MYO10: variants seen among roughly 807,000 people sequenced by gnomAD.
MYO10 encodes the protein myosin X.
In MYO10, 133 loss-of-function variants were observed where a neutral mutation model predicts 257.3. The observed-to-expected ratio is 0.52, with a 90% confidence interval of 0.45 to 0.60. The LOEUF is 0.60. Ranked by LOEUF, MYO10 falls within the 20% of genes least tolerant of loss-of-function variation. The pLI is 0.00. For missense variants in MYO10, 2,399 were observed against 2,635.7 expected (o/e 0.91, Z 1.97); for synonymous variants, 1,104 against 1,028.6 (o/e 1.07, Z -1.40).
intron 19 of MYO10, among the ~76,000 whole-genome samples, chr5:16,726,964 A>G (rs1436957104): frequency 1.3e-5 from 2 of 152,234 alleles, no homozygotes; most frequent in Non-Finnish European, 2.9e-5. Flanking sequence ...TGCCAGTTAC[A>G]GAAGTTTACT....
At chr5:16,896,960 G>C (rs1745235826) in intron 1 of MYO10, among the ~76,000 whole-genome samples, 2 of 152,136 alleles carry the variant, frequency 1.3e-5, no homozygotes, top group African/African-American at 4.8e-5. Flanking sequence ...GGGAGAGAGA[G>C]AGAAGGAAAA....
At chr5:16,852,918 G>C (rs1334951830) in intron 2 of MYO10, among the ~76,000 whole-genome samples, 1 of 152,172 alleles carries the variant, frequency 6.6e-6, no homozygotes. Flanking sequence ...AGAAGGCACA[G>C]AGAAATTGAA....
Position 16,780,644 on chromosome 5 carries a change from G to T in MYO10, c.742-36C>A, listed in dbSNP as rs369377866. On this transcript the variant is annotated intron_variant, in intron 7 of 40. Coordinates refer to ENST00000513610, the MANE Select transcript of MYO10 (RefSeq NM_012334.3). ...AAATCAGATTTATATTCAGAGATGT[G>T]TCCTGTGCTTAATTCACACAAACCA... 2.0e-5 allele frequency: 31 copies of T among 1,549,430 alleles called. No individual in the cohort carries two copies. The Middle Eastern group carries it at 6.7e-4, about 33-fold the overall frequency.
intron 26 of MYO10, among the ~76,000 whole-genome samples, chr5:16,698,623 G>GTTTT (rs5866202): frequency 1.8e-5 from 2 of 113,856 alleles, no homozygotes; most frequent in Non-Finnish European, 1.7e-5. Context: ...AGAACATGCA[G>GTTTT]TTTTTTTTTT....
chr5:16,727,550 C>G (rs1739418787), intron 19 of MYO10, among the ~76,000 whole-genome samples: 1 of 152,182 alleles, frequency 6.6e-6, no homozygotes, highest in African/African-American at 2.4e-5. Context: ...GCTAATGACT[C>G]TGAACAAATA....
chr5:16,857,709 C>T (rs1056222839), intron 2 of MYO10, among the ~76,000 whole-genome samples: 5 of 152,216 alleles, frequency 3.3e-5, no homozygotes, highest in Admixed American at 6.5e-5. Context: ...TTGCCACGGG[C>T]TACTTTAACC....
intron 1 of MYO10, chr5:16,916,084 G>T (rs779355861): frequency 2.9e-5 from 13 of 456,018 alleles, no homozygotes; most frequent in Non-Finnish European, 8.8e-6. Context: ...CGAGTGTTAA[G>T]CCTCAGCCTT....
chr5:16,924,956 A>G (rs1359227813), intron 1 of MYO10, among the ~76,000 whole-genome samples: 4 of 149,268 alleles, frequency 2.7e-5, no homozygotes, highest in Non-Finnish European at 1.5e-5. Context: ...TCAGCCTCCC[A>G]AATAGCTGGG....
chr5:16,750,911 C>T (rs1215338229), intron 19 of MYO10, among the ~76,000 whole-genome samples: 2 of 152,148 alleles, frequency 1.3e-5, no homozygotes, highest in Non-Finnish European at 2.9e-5. Flanking sequence ...AGGAGAATCG[C>T]TTGAACTCGG....
Position 16,747,747 on chromosome 5 carries a change from G to A in MYO10, c.1929+7081C>T, listed in dbSNP as rs990679093. 4.6e-5 allele frequency among the ~76,000 whole-genome samples: 7 copies of A among 151,816 alleles called. 1 individual carries two copies. The highest frequency in any genetic ancestry group is 3.4e-3 in the Middle Eastern group (1 of 290). On this transcript the variant is annotated intron_variant, in intron 19 of 40. Transcript: ENST00000513610. Reference sequence around the variant, plus strand: ...GTCTGGCTAACACAGAGAAACCCCCGTCTCTACTAAAAATACAAAAAATTA... The same window carrying A: ...GTCTGGCTAACACAGAGAAACCCCCATCTCTACTAAAAATACAAAAAATTA...
At chr5:16,820,422 G>A (rs963633482) in intron 2 of MYO10, among the ~76,000 whole-genome samples, 5 of 152,074 alleles carry the variant, frequency 3.3e-5, no homozygotes, top group African/African-American at 1.2e-4. Flanking sequence ...GTCAACTCTC[G>A]GCCAACCAAG....
rs373617137 is a variant in MYO10, at chr5:16,818,082, G to T, written c.206C>A (p.Ala69Glu). 1.9e-6 allele frequency: 3 copies of T among 1,611,096 alleles called. No individual in the cohort carries two copies. Among genetic ancestry groups the T allele is most frequent in the African/African-American group, 1.3e-5 (1 of 74,866 alleles). Residue 69 changes from alanine (A) to glutamate (E), a missense_variant, in exon 3 of 41, where the codon GCG becomes GAG. Ala to Glu is a moderately radical substitution (Grantham distance 107, BLOSUM62 -1). Transcript: ENST00000513610. Reference sequence around the variant, plus strand: ...GCCGCCATGGAGCTCTGTCAAGGACGCCATGTCATCCACGCCCTCCTCGTT... The same window carrying T: ...GCCGCCATGGAGCTCTGTCAAGGACTCCATGTCATCCACGCCCTCCTCGTT... ...PTNEEGVDDMASLTELHGGSI... is the reference protein window; with the variant it reads ...PTNEEGVDDMESLTELHGGSI...
intron 1 of MYO10, among the ~76,000 whole-genome samples, chr5:16,917,396 T>G (rs1339175254): frequency 1.3e-5 from 2 of 152,176 alleles, no homozygotes; most frequent in South Asian, 4.1e-4. Flanking sequence ...TTGTGGGGGC[T>G]GCCCTCTGCA....
chr5:16,786,236 T>A (rs548912746), intron 4 of MYO10, among the ~76,000 whole-genome samples: 30 of 152,208 alleles, frequency 2.0e-4, no homozygotes, highest in African/African-American at 5.5e-4. Flanking sequence ...AATACAATTA[T>A]GGAGAAGATA....
chr5:16,845,740 T>G (rs113159404), intron 2 of MYO10, among the ~76,000 whole-genome samples: 1 of 151,616 alleles, frequency 6.6e-6, no homozygotes, highest in South Asian at 2.1e-4. Flanking sequence ...CCGAGGCGGG[T>G]GGATCACAAG....
intron 21 of MYO10, among the ~76,000 whole-genome samples, chr5:16,708,350 TA>T (rs1738440024): frequency 6.6e-6 from 1 of 152,204 alleles, no homozygotes; most frequent in Non-Finnish European, 1.5e-5. Flanking sequence ...TCCAACACAG[TA>T]AACTGAGGAC....
chr5:16,780,789 T>C (rs1470122689), intron 6 of MYO10, 48 bp from the exon 7 acceptor site: 1 of 1,529,124 alleles, frequency 6.5e-7, no homozygotes, highest in South Asian at 1.2e-5. Flanking sequence ...CAAAGCTATG[T>C]GCCATGCTCA....
rs1172106250 is a variant in MYO10 at position 16,665,094 on chromosome 5, T to G, written c.*1598A>C. The G allele has an allele frequency of 6.6e-6, 1 of 152,056 alleles. No homozygotes were observed. The highest frequency in any genetic ancestry group is 2.4e-5 in the African/African-American group (1 of 41,286). The allele number at this position is 152,056 out of a possible 1,614,324, so 9.4% of individuals were successfully genotyped here. A position where few individuals can be genotyped will look rare whatever the true frequency, so the allele number is the denominator to read the frequency against. ...GATGCATGCCTGTACTCCCAACTCC[T>G]TGGGAGGCTGAGGCAGGAGAATCGC... On this transcript the variant is annotated 3_prime_UTR_variant, in exon 41 of 41. Coordinates refer to ENST00000513610, the MANE Select transcript of MYO10 (RefSeq NM_012334.3).
chr5:16,697,472 A>C (rs31577), intron 26 of MYO10, among the ~76,000 whole-genome samples: 97,715 of 151,926 alleles, frequency 0.64, 31,778 homozygotes, highest in African/African-American at 0.71. Context: ...GAGGCCAAGG[A>C]GGGCAGATCA....
Sources: allele counts gnomAD v4.1 joint callset (sites outside exome capture counted in the v4.1 genomes callset), GRCh38; gene constraint gnomAD v4.1.1; transcripts MANE v1.5; gene names NCBI Gene and HGNC (gene_info 2026-07-23, HGNC 2026-07-21).